RPRD2: variants seen among roughly 807,000 people sequenced by gnomAD.
RPRD2 encodes regulation of nuclear pre-mRNA domain-containing protein 2.
Under a neutral mutation model 104.4 loss-of-function variants are expected in RPRD2, and 12 were observed. The observed-to-expected ratio is 0.11, with a 90% CI of 0.07 to 0.19. The LOEUF (loss-of-function observed/expected upper bound fraction) is 0.19, where lower values mean the gene tolerates loss of function less well. Ranked by LOEUF, RPRD2 falls within the 10% of genes least tolerant of loss-of-function variation. The pLI, the probability that RPRD2 is intolerant of heterozygous loss-of-function variation, is 1.00. For synonymous variants in RPRD2, 714 were observed against 684.9 expected (o/e 1.04, Z -0.66); for missense variants, 1,543 against 1,790.1 (o/e 0.86, Z 2.49).
intron 1 of RPRD2, among the ~76,000 whole-genome samples, chr1:150,380,575 T>G (rs190477673): frequency 3.7e-4 from 57 of 152,244 alleles, no homozygotes; most frequent in African/African-American, 1.3e-3. Flanking sequence ...CTTGAACTTC[T>G]GACCTCAGGT....
At chr1:150,432,912 G>A (rs1414357557) in intron 2 of RPRD2, among the ~76,000 whole-genome samples, 2 of 152,140 alleles carry the variant, frequency 1.3e-5, no homozygotes, top group Non-Finnish European at 1.5e-5. Flanking sequence ...GGGAGATTAA[G>A]GCTGCAGTGA....
intron 9 of RPRD2, among the ~76,000 whole-genome samples, chr1:150,462,149 G>T (rs1483302956): frequency 2.0e-5 from 3 of 151,974 alleles, no homozygotes; most frequent in Admixed American, 6.6e-5. Flanking sequence ...GGGCATGGTG[G>T]CATGCATCTG....
intron 1 of RPRD2, among the ~76,000 whole-genome samples, chr1:150,390,930 A>G (rs1662016406): frequency 1.3e-5 from 2 of 152,156 alleles, no homozygotes; most frequent in Admixed American, 1.3e-4. Flanking sequence ...GGGTTAAATA[A>G]AAAGAAATCT....
intron 1 of RPRD2, among the ~76,000 whole-genome samples, chr1:150,389,181 T>C (rs587713395): frequency 6.6e-6 from 1 of 152,058 alleles, no homozygotes; most frequent in Admixed American, 6.6e-5. Context: ...GGGCTATAGG[T>C]GTGCACCACA....
At chr1:150,460,383 GT>G (rs869103904) in intron 9 of RPRD2, 66 bp downstream of exon 9, 9 of 1,426,474 alleles carry the variant, frequency 6.3e-6, no homozygotes, top group Middle Eastern at 1.8e-4. Flanking sequence ...TCATTAATCT[GT>G]TTTTGGGGGG....
At chr1:150,455,501 CAAAA>C (rs587732943) in intron 7 of RPRD2, among the ~76,000 whole-genome samples, 1 of 138,216 alleles carries the variant, frequency 7.2e-6, no homozygotes, top group South Asian at 2.3e-4. Context: ...GACTCCATCT[CAAAA>C]AAAAAAAGAA....
At chr1:150,413,791 G>A (rs1433676080) in intron 1 of RPRD2, among the ~76,000 whole-genome samples, 1 of 150,446 alleles carries the variant, frequency 6.6e-6, no homozygotes, top group African/African-American at 2.5e-5. Context: ...CAGGCATGGT[G>A]ACGCATGCCT....
intron 7 of RPRD2, among the ~76,000 whole-genome samples, chr1:150,448,141 C>G (rs977782254): frequency 6.6e-6 from 1 of 152,120 alleles, no homozygotes; most frequent in South Asian, 2.1e-4. Flanking sequence ...AATTTTCCAG[C>G]TTCAATCAAC....
At chr1:150,392,776 C>G (rs1553883408) in intron 1 of RPRD2, among the ~76,000 whole-genome samples, 1 of 151,652 alleles carries the variant, frequency 6.6e-6, no homozygotes, top group East Asian at 1.9e-4. Flanking sequence ...CCAGGAGTTG[C>G]AGATTTCTGT....
Position 150,473,202 on chromosome 1 carries a change from G to C in RPRD2, c.4254G>C (p.Arg1418=). 1 of 1,613,982 alleles carries C rather than the reference G, an allele frequency of 6.2e-7. No individual in the cohort carries two copies. The highest frequency in any genetic ancestry group is 2.2e-5 in the East Asian group (1 of 44,880). The change falls in exon 11 of 11, where the codon CGG becomes CGC. Residue 1418 remains arginine (R), a synonymous_variant. Transcript: ENST00000369068. ...SRSGIILRSP[R]PDFRPREPFL... Reference sequence around the variant, plus strand: ...GTGGTATAATCTTACGGAGTCCCCGGCCAGACTTTCGGCCTAGGGAACCTT... The same window carrying C: ...GTGGTATAATCTTACGGAGTCCCCGCCCAGACTTTCGGCCTAGGGAACCTT...
At chr1:150,432,093 T>C (rs1334263637) in intron 2 of RPRD2, among the ~76,000 whole-genome samples, 2 of 151,970 alleles carry the variant, frequency 1.3e-5, no homozygotes, top group African/African-American at 2.4e-5. Context: ...TGGTAAATTT[T>C]ACGTGTATTT....
chr1:150,376,593 C>T (rs909048304), intron 1 of RPRD2, among the ~76,000 whole-genome samples: 6 of 151,758 alleles, frequency 4.0e-5, no homozygotes, highest in African/African-American at 9.7e-5. Context: ...CTCCGCCTCC[C>T]GGGTTCACGC....
Position 150,431,473 on chromosome 1 carries a change from A to ATTTTTTTTTTTTTTTT in RPRD2, c.336-9441_336-9426dup, listed in dbSNP as rs1160491386. Among the ~76,000 whole-genome samples, 30 of 78,834 alleles carry ATTTTTTTTTTTTTTTT rather than the reference A, an allele frequency of 3.8e-4. 2 individuals carry two copies. The highest frequency in any genetic ancestry group is 1.1e-3 in the African/African-American group (25 of 22,316). 51.7% of individuals were successfully genotyped at this position (78,834 alleles called of 152,430 possible). On this transcript the variant is annotated intron_variant, in intron 2 of 10. Transcript: ENST00000369068. ...TATTATTCAGTCTTAAAAAGGAAGG[A>ATTTTTTTTTTTTTTTT]TTTTTTTTTTTTTTTTTTTTTTTTG...
intron 2 of RPRD2, among the ~76,000 whole-genome samples, chr1:150,419,534 G>A (rs1664610300): frequency 6.6e-6 from 1 of 152,046 alleles, no homozygotes; most frequent in Non-Finnish European, 1.5e-5. Flanking sequence ...ACCATTTGTT[G>A]GATATTTATA....
chr1:150,453,736 G>T (rs963876573), intron 7 of RPRD2, among the ~76,000 whole-genome samples: 2 of 152,024 alleles, frequency 1.3e-5, no homozygotes, highest in Admixed American at 6.6e-5. Context: ...TTTCTTTTTA[G>T]CCATTTGGAC....
intron 2 of RPRD2, among the ~76,000 whole-genome samples, chr1:150,437,861 T>A (rs1666114909): frequency 6.6e-6 from 1 of 151,550 alleles, no homozygotes; most frequent in Non-Finnish European, 1.5e-5. Flanking sequence ...ACTGCAGGCG[T>A]GAGCCACCGT....
Position 150,476,116 on chromosome 1 carries a change from C to G in RPRD2, c.*2782C>G, listed in dbSNP as rs587705089. The G allele has an allele frequency of 1.3e-5, 2 of 152,336 alleles. No individual in the cohort carries two copies. Among genetic ancestry groups the G allele is most frequent in the East Asian group, 3.9e-4 (2 of 5,190 alleles). 9.4% of individuals were successfully genotyped at this position (152,336 alleles called of 1,614,324 possible). A position where few individuals can be genotyped will look rare whatever the true frequency, so the allele number is the denominator to read the frequency against. On this transcript the variant is annotated 3_prime_UTR_variant, in exon 11 of 11. Coordinates refer to ENST00000369068, the MANE Select transcript of RPRD2 (RefSeq NM_015203.5). ...ATGAGAGCTCTCTCCCTGCTCCCCT[C>G]TACCCTCTCAAAAGTTGAGAGTAAA...
intron 2 of RPRD2, among the ~76,000 whole-genome samples, chr1:150,433,720 CAT>C (rs2102330865): frequency 8.2e-6 from 1 of 122,304 alleles, no homozygotes; most frequent in East Asian, 2.0e-4. Context: ...CTGGGATTAC[CAT>C]AGTTTTTTTT....
chr1:150,424,038 C>T (rs587744189), intron 2 of RPRD2, among the ~76,000 whole-genome samples: 4 of 152,142 alleles, frequency 2.6e-5, no homozygotes, highest in African/African-American at 9.6e-5. Flanking sequence ...GTGATCCACC[C>T]GCCTCGGCCT....
Sources: gnomAD v4.1 joint callset for allele counts (sites outside exome capture counted in the v4.1 genomes callset) on GRCh38, gnomAD v4.1.1 for gene constraint, MANE v1.5 for transcripts, NCBI Gene and HGNC (gene_info 2026-07-23, HGNC 2026-07-21) for gene names.